Variants in SCN8A observed in about 807,000 individuals in gnomAD.
SCN8A encodes sodium voltage-gated channel alpha subunit 8.
In SCN8A, 30 loss-of-function variants were observed where a neutral mutation model predicts 184.1. The ratio of observed to expected loss-of-function variants is 0.16; its 90% CI spans 0.12 to 0.22. The LOEUF is 0.22. Ranked by LOEUF, SCN8A falls within the 10% of genes least tolerant of loss-of-function variation. The pLI is 1.00. For synonymous variants in SCN8A, 852 were observed against 907.0 expected (o/e 0.94, Z 1.09); for missense variants, 1,057 against 2,498.9 (o/e 0.42, Z 12.30).
chr12:51,671,001 G>A (rs547328897), intron 2 of SCN8A, among the ~76,000 whole-genome samples: 3 of 152,194 alleles, frequency 2.0e-5, no homozygotes, highest in South Asian at 2.1e-4. Flanking sequence ...ATAATGATAC[G>A]TGCATTAATG....
At chr12:51,797,047 G>T (rs1306755790) in intron 26 of SCN8A, among the ~76,000 whole-genome samples, 4 of 152,062 alleles carry the variant, frequency 2.6e-5, no homozygotes, top group African/African-American at 7.2e-5. Flanking sequence ...CTAATCTCTG[G>T]TAACACCCAG....
At chr12:51,774,922 C>A (rs1199684325) in intron 20 of SCN8A, among the ~76,000 whole-genome samples, 1 of 152,192 alleles carries the variant, frequency 6.6e-6, no homozygotes, top group African/African-American at 2.4e-5. Context: ...CGTTGCCATT[C>A]TACAGTGATC....
In SCN8A at chr12:51,687,157, A is replaced by G; in HGVS notation, c.552A>G (p.Ile184Met). Residue 184 changes from isoleucine (I) to methionine (M), a missense_variant, in exon 5 of 27, where the codon ATA becomes ATG. Coordinates refer to ENST00000627620, the MANE Select transcript of SCN8A (RefSeq NM_001330260.2). ...AAATCATTGCAAGAGGTTTCTGCAT[A>G]GATGGCTTTACCTTTTTACGGGACC... The part of the protein sequence containing the change: ...LVKIIARGFC[I>M]DGFTFLRDPW... The G allele has an allele frequency of 6.2e-7, 1 of 1,613,376 alleles. No individual in the cohort carries two copies. Among genetic ancestry groups the G allele is most frequent in the Non-Finnish European group, 8.5e-7 (1 of 1,179,364 alleles).
chr12:51,763,492 T>C (rs561316429), intron 15 of SCN8A, among the ~76,000 whole-genome samples: 21 of 152,238 alleles, frequency 1.4e-4, no homozygotes, highest in Non-Finnish European at 2.4e-4. Flanking sequence ...AATGGGTTTA[T>C]TGGGACATAA....
chr12:51,714,571 TA>T lies in SCN8A; in HGVS notation c.1636-6971del, dbSNP rs750984840. On this transcript the variant is annotated intron_variant, in intron 11 of 26. Coordinates refer to ENST00000627620, the MANE Select transcript of SCN8A (RefSeq NM_001330260.2). ...GAATTTTGACCTCATGAGCCTTCCT[TA>T]AAAGGTCTCAGGGACCTCCGGGGGT... 9.8e-5 allele frequency among the ~76,000 whole-genome samples: 15 copies of T among 152,304 alleles called. No homozygotes were observed. In the South Asian group the frequency reaches 1.7e-3, roughly 17 times the overall value.
At chr12:51,689,992 C>G (rs1354489900) in intron 6 of SCN8A, 1 of 152,216 alleles carries the variant, frequency 6.6e-6, no homozygotes, top group Admixed American at 6.5e-5. Flanking sequence ...TTCACAGACC[C>G]CCCCCGAAGC....
intron 1 of SCN8A, among the ~76,000 whole-genome samples, chr12:51,629,679 T>G (rs888551361): frequency 6.6e-6 from 1 of 151,630 alleles, no homozygotes; most frequent in African/African-American, 2.4e-5. Flanking sequence ...GGAGACTTTA[T>G]GGGGATGGAA....
chr12:51,758,282 C>A (rs1477642294), intron 14 of SCN8A, among the ~76,000 whole-genome samples: 1 of 152,180 alleles, frequency 6.6e-6, no homozygotes, highest in East Asian at 1.9e-4. Context: ...CATAGCAACA[C>A]CCTATCTGTA....
chr12:51,761,492 T>C (rs1942762030), intron 14 of SCN8A, among the ~76,000 whole-genome samples: 1 of 151,296 alleles, frequency 6.6e-6, no homozygotes, highest in African/African-American at 2.4e-5. Flanking sequence ...ATTATTTATT[T>C]ATTTGATAGG....
intron 1 of SCN8A, among the ~76,000 whole-genome samples, chr12:51,629,497 C>G (rs1289535102): frequency 6.7e-6 from 1 of 149,480 alleles, no homozygotes. Context: ...GGTATAGAAC[C>G]TCTGGGCTAG....
At chr12:51,646,163 A>G (rs577062121) in intron 1 of SCN8A, among the ~76,000 whole-genome samples, 1 of 152,214 alleles carries the variant, frequency 6.6e-6, no homozygotes, top group African/African-American at 2.4e-5. Flanking sequence ...TCAGAATTAT[A>G]TCTTAAAAGT....
intron 16 of SCN8A, among the ~76,000 whole-genome samples, chr12:51,766,814 C>T (rs889290572): frequency 2.0e-5 from 3 of 152,150 alleles, no homozygotes; most frequent in Admixed American, 2.0e-4. Context: ...ACTACTGAAT[C>T]AGAATCTGCA....
rs2138955050 is a variant in SCN8A, at chr12:51,812,069, C to T, written c.*4640C>T. 6.6e-6 allele frequency: 1 copy of T among 152,272 alleles called. No individual in the cohort carries two copies. The highest frequency in any genetic ancestry group is 1.5e-5 in the Non-Finnish European group (1 of 68,118). The allele number at this position is 152,272 out of a possible 1,614,324, so 9.4% of individuals were successfully genotyped here. On this transcript the variant is annotated 3_prime_UTR_variant, in exon 27 of 27. Coordinates refer to ENST00000627620, the MANE Select transcript of SCN8A (RefSeq NM_001330260.2). ...TTGCAACAGAGTTTCCATTGTTCAG[C>T]TCTGTGCTTTCTTGGATTCCCTTTC... is the stretch of plus-strand genomic sequence containing the variant.
At chr12:51,778,636 CTGCCAGTCA>C (rs1288898260) in intron 20 of SCN8A, among the ~76,000 whole-genome samples, 1 of 152,126 alleles carries the variant, frequency 6.6e-6, no homozygotes, top group East Asian at 1.9e-4. Flanking sequence ...CTTCTACCCC[CTGCCAGTCA>C]TGCTGCTTAA....
chr12:51,772,040 T>C (rs960906858), intron 19 of SCN8A, among the ~76,000 whole-genome samples: 2 of 152,200 alleles, frequency 1.3e-5, no homozygotes, highest in East Asian at 3.8e-4. Flanking sequence ...GTCTTAATGA[T>C]TAAGCAAAGG....
intron 13 of SCN8A, among the ~76,000 whole-genome samples, chr12:51,747,125 G>A (rs1942524818): frequency 6.6e-6 from 1 of 150,586 alleles, no homozygotes; most frequent in Admixed American, 6.6e-5. Flanking sequence ...GTGTGTGTGT[G>A]TGTGTGTTGG....
intron 1 of SCN8A, among the ~76,000 whole-genome samples, chr12:51,598,083 G>A (rs943721424): frequency 1.1e-4 from 16 of 152,174 alleles, no homozygotes; most frequent in African/African-American, 3.9e-4. Flanking sequence ...ATACTCTAAA[G>A]AGGCATAATG....
Position 51,807,245 on chromosome 12 carries a change from C to G in SCN8A, c.5759C>G (p.Thr1920Arg). The G allele has an allele frequency of 6.2e-7, 1 of 1,613,934 alleles. No individual in the cohort carries two copies. Among genetic ancestry groups the G allele is most frequent in the Non-Finnish European group, 8.5e-7 (1 of 1,179,890 alleles). ...AGGCGGGGCTTCATCTGCAAAAAGA[C>G]AACTTCTAATAAGCTGGAGAATGGA... The part of the protein sequence containing the change: ...LARRGFICKK[T>R]TSNKLENGGT... Residue 1920 changes from threonine (T) to arginine (R), a missense_variant, in exon 27 of 27, where the codon ACA becomes AGA. By Grantham distance (71) the Thr-to-Arg change is moderately conservative (BLOSUM62 -1). Transcript: ENST00000627620. The surrounding 1 kb of genome is among the most constrained non-coding windows in gnomAD (Gnocchi z 4.5).
intron 12 of SCN8A, among the ~76,000 whole-genome samples, chr12:51,731,822 AAT>A: frequency 6.6e-6 from 1 of 152,260 alleles, no homozygotes. Context: ...TGATGATCGT[AAT>A]GTTAGGCACC....
Sources: gnomAD v4.1 joint callset for allele counts (sites outside exome capture counted in the v4.1 genomes callset) on GRCh38, gnomAD v4.1.1 for gene constraint, Gnocchi (gnomAD v3.1) non-coding constraint, MANE v1.5 for transcripts, NCBI Gene and HGNC (gene_info 2026-07-23, HGNC 2026-07-21) for gene names.